FBXL13: variants seen among roughly 807,000 people sequenced by gnomAD.
FBXL13 encodes the protein F-box and leucine rich repeat protein 13.
FBXL13 carries 67 observed loss-of-function variants against 83.6 expected under a neutral mutation model. The observed-to-expected ratio is 0.80, with a 90% CI of 0.66 to 0.98. FBXL13 has a LOEUF of 0.98. Ranked by LOEUF, FBXL13 falls within the 50% of genes least tolerant of loss-of-function variation. FBXL13 has a pLI of 0.00. For synonymous variants in FBXL13, 272 were observed against 299.5 expected, an observed-to-expected ratio of 0.91 and a Z score of 0.95; for missense variants, 822 against 866.5, an observed-to-expected ratio of 0.95 and a Z score of 0.64.
rs148929964 is a variant in FBXL13 at position 102,999,524 on chromosome 7, A to G, written c.495+25539T>C. Among the ~76,000 whole-genome samples the G allele has an allele frequency of 1.1e-3, 164 of 152,352 alleles. 1 individual carries two copies. The highest frequency in any genetic ancestry group is 3.9e-3 in the African/African-American group (162 of 41,584). ...ATTCTTTAAATATTTGGTAGAAGTC[A>G]GCAGTGAAGCCATCAGGTCTGGCTT... On this transcript the variant is annotated intron_variant, in intron 6 of 19. Transcript: ENST00000313221.
chr7:102,867,762 G>C (rs1807960564), intron 16 of FBXL13, among the ~76,000 whole-genome samples: 1 of 140,256 alleles, frequency 7.1e-6, no homozygotes, highest in South Asian at 2.3e-4. Context: ...GAGTGCAGTG[G>C]CGCAATCTTG....
At chr7:102,848,885 A>G (rs1804661883) in intron 17 of FBXL13, among the ~76,000 whole-genome samples, 1 of 152,068 alleles carries the variant, frequency 6.6e-6, no homozygotes, top group South Asian at 2.1e-4. Flanking sequence ...CTGTAATCCC[A>G]GCTACTCGGG....
intron 8 of FBXL13, chr7:102,933,938 T>G (rs753599817): frequency 1.9e-6 from 3 of 1,611,200 alleles, no homozygotes; most frequent in Non-Finnish European, 2.5e-6. Context: ...CATTGTAATC[T>G]TGCTCTGCTT....
intron 1 of FBXL13, among the ~76,000 whole-genome samples, chr7:103,072,150 T>G (rs1254437226): frequency 6.6e-6 from 1 of 151,332 alleles, no homozygotes; most frequent in East Asian, 1.9e-4. Flanking sequence ...ACCACTGCAC[T>G]CTAGACTGGG....
chr7:102,940,492 G>A (rs2129475333), intron 8 of FBXL13, among the ~76,000 whole-genome samples: 1 of 152,278 alleles, frequency 6.6e-6, no homozygotes, highest in African/African-American at 2.4e-5. Flanking sequence ...TTACAGGCGT[G>A]AGCCACCATG....
At chr7:102,864,907 T>G (rs1807414100) in intron 16 of FBXL13, among the ~76,000 whole-genome samples, 1 of 152,208 alleles carries the variant, frequency 6.6e-6, no homozygotes, top group African/African-American at 2.4e-5. Context: ...ATTGAGTAAC[T>G]TGCCTGCGGT....
intron 1 of FBXL13, among the ~76,000 whole-genome samples, chr7:103,057,231 C>CA (rs1797424095): frequency 6.6e-6 from 1 of 152,100 alleles, no homozygotes; most frequent in Non-Finnish European, 1.5e-5. Flanking sequence ...TAAAGTAAAA[C>CA]AAAAATGCAG....
chr7:102,952,534 CA>C (rs1823579085), intron 8 of FBXL13, among the ~76,000 whole-genome samples: 1 of 152,068 alleles, frequency 6.6e-6, no homozygotes, highest in African/African-American at 2.4e-5. Context: ...AGGATCATAA[CA>C]GAATATTATG....
At chr7:102,893,974 G>GAA (rs1811918213) in intron 11 of FBXL13, among the ~76,000 whole-genome samples, 1 of 91,836 alleles carries the variant, frequency 1.1e-5, no homozygotes, top group African/African-American at 4.9e-5. Flanking sequence ...GAGAAAGAAA[G>GAA]AAAGAAAGAG....
chr7:102,855,888 G>T (rs1584647379), intron 16 of FBXL13, among the ~76,000 whole-genome samples: 3 of 146,978 alleles, frequency 2.0e-5, no homozygotes. Context: ...GCACAGATTG[G>T]GCCTTCTCAT....
intron 11 of FBXL13, among the ~76,000 whole-genome samples, chr7:102,899,313 T>G (rs966367976): frequency 5.9e-5 from 9 of 152,248 alleles, no homozygotes; most frequent in African/African-American, 2.2e-4. Flanking sequence ...AGACCCAACA[T>G]AAGCTAGCTT....
chr7:103,043,506 C>G (rs957784225), intron 2 of FBXL13, among the ~76,000 whole-genome samples: 2 of 152,310 alleles, frequency 1.3e-5, no homozygotes, highest in East Asian at 3.9e-4. Context: ...AGTCATGCTA[C>G]TATAAAGACA....
intron 11 of FBXL13, among the ~76,000 whole-genome samples, chr7:102,898,924 T>C (rs950829467): frequency 9.2e-5 from 14 of 152,088 alleles, no homozygotes; most frequent in African/African-American, 3.1e-4. Flanking sequence ...AATTAATTAT[T>C]TATTTATTTT....
intron 2 of FBXL13, among the ~76,000 whole-genome samples, chr7:103,039,739 GA>G (rs1795465733): frequency 6.6e-6 from 1 of 152,126 alleles, no homozygotes. Flanking sequence ...TTTCATAAGT[GA>G]AGGAGAAATA....
intron 16 of FBXL13, among the ~76,000 whole-genome samples, chr7:102,864,502 G>A (rs183869608): frequency 1.4e-4 from 21 of 152,240 alleles, no homozygotes; most frequent in Admixed American, 1.2e-3. Context: ...CCAAATAGCT[G>A]TGATTACAGG....
intron 11 of FBXL13, among the ~76,000 whole-genome samples, chr7:102,906,672 C>T (rs573386422): frequency 6.6e-6 from 1 of 152,274 alleles, no homozygotes; most frequent in East Asian, 1.9e-4. Flanking sequence ...GCATGTCATT[C>T]TCTTCTAGCA....
chr7:102,884,437 A>G (rs527300760), intron 11 of FBXL13, 125 bp from the exon 13 acceptor site: 2 of 670,870 alleles, frequency 3.0e-6, no homozygotes, highest in African/African-American at 3.6e-5. Flanking sequence ...AAAATGTGGC[A>G]GACACAAGAG....
intron 17 of FBXL13, among the ~76,000 whole-genome samples, chr7:102,840,853 T>C (rs1584552017): frequency 6.6e-6 from 1 of 152,130 alleles, no homozygotes; most frequent in East Asian, 1.9e-4. Context: ...CATAGGCCTA[T>C]TAGAAGATTA....
chr7:102,916,820 A>T (rs1422244843), intron 10 of FBXL13, among the ~76,000 whole-genome samples: 1 of 150,412 alleles, frequency 6.6e-6, no homozygotes, highest in East Asian at 2.0e-4. Flanking sequence ...TCTCTTTGTG[A>T]TTTATTTATT....
Sources: allele counts gnomAD v4.1 joint callset (sites outside exome capture counted in the v4.1 genomes callset), GRCh38; gene constraint gnomAD v4.1.1; transcripts MANE v1.5; gene names NCBI Gene and HGNC (gene_info 2026-07-23, HGNC 2026-07-21).